The following STAG1 variants were observed in gnomAD, a reference collection of about 807,000 sequenced individuals.
The protein encoded by STAG1 is cohesin subunit SA-1.
Under a neutral mutation model 170.9 loss-of-function variants are expected in STAG1, and 26 were observed. The ratio of observed to expected loss-of-function variants is 0.15; its 90% confidence interval spans 0.11 to 0.21. The LOEUF (loss-of-function observed/expected upper bound fraction) is 0.21, where lower values mean the gene tolerates loss of function less well. Ranked by LOEUF, STAG1 falls within the 10% of genes least tolerant of loss-of-function variation. STAG1 has a pLI of 1.00. For synonymous variants in STAG1, 514 were observed against 497.7 expected, an observed-to-expected ratio of 1.03 and a Z score of -0.44; for missense variants, 964 against 1,509.5, an observed-to-expected ratio of 0.64 and a Z score of 5.99.
chr3:136,364,368 C>A (rs1936993821), intron 25 of STAG1, among the ~76,000 whole-genome samples: 1 of 152,212 alleles, frequency 6.6e-6, no homozygotes, highest in Admixed American at 6.5e-5. Context: ...CAGGCGTGAG[C>A]CACTGTGCCT....
At chr3:136,559,070 G>C (rs1299221500) in intron 5 of STAG1, among the ~76,000 whole-genome samples, 1 of 152,032 alleles carries the variant, frequency 6.6e-6, no homozygotes, top group Non-Finnish European at 1.5e-5. Context: ...TCAGTCTTTT[G>C]TATATATAAG....
intron 10 of STAG1, among the ~76,000 whole-genome samples, chr3:136,475,267 C>T (rs1205506509): frequency 6.6e-6 from 1 of 151,314 alleles, no homozygotes; most frequent in East Asian, 1.9e-4. Flanking sequence ...TTGTCTCAGC[C>T]TCCCGAGTAG....
chr3:136,500,963 A>G (rs1933433762), intron 8 of STAG1, among the ~76,000 whole-genome samples: 1 of 152,186 alleles, frequency 6.6e-6, no homozygotes, highest in Admixed American at 6.5e-5. Context: ...CTACTATTCT[A>G]ATTTATTCTG....
In STAG1 at chr3:136,419,341, T is replaced by C. The variant is rs558148868; in HGVS notation, c.2109-1369A>G. On this transcript the variant is annotated intron_variant, in intron 20 of 33. Transcript: ENST00000383202. ...GTGCAAAAGCTATATTCAAACTCTCTTTGGACAACAAAGTTCTTTTTGTCC... is the reference window on the plus strand; with the variant it reads ...GTGCAAAAGCTATATTCAAACTCTCCTTGGACAACAAAGTTCTTTTTGTCC... Among the ~76,000 whole-genome samples the C allele has an allele frequency of 5.3e-5, 8 of 152,338 alleles. No homozygotes were observed. The South Asian group carries it at 6.2e-4, about 12-fold the overall frequency.
At chr3:136,749,921 G>A (rs370505912) in intron 1 of STAG1, among the ~76,000 whole-genome samples, 5 of 107,336 alleles carry the variant, frequency 4.7e-5, no homozygotes, top group South Asian at 3.5e-4. Flanking sequence ...AAAAAAAAAA[G>A]AAAGAAACTA....
At chr3:136,615,244 T>C (rs1388845418) in intron 3 of STAG1, among the ~76,000 whole-genome samples, 1 of 151,482 alleles carries the variant, frequency 6.6e-6, no homozygotes, top group East Asian at 1.9e-4. Flanking sequence ...AAGCCATACA[T>C]GAAAAAACAA....
rs550872859 is a variant in STAG1, at chr3:136,541,958, A to G, written c.471+161T>C. Among the ~76,000 whole-genome samples, 6 of 152,302 alleles carry G rather than the reference A, an allele frequency of 3.9e-5. No homozygotes were observed. The East Asian group carries it at 1.2e-3, about 29-fold the overall frequency. On this transcript the variant is annotated intron_variant, in intron 6 of 33. Coordinates refer to ENST00000383202, the MANE Select transcript of STAG1 (RefSeq NM_005862.3). Reference sequence around the variant, plus strand: ...ACACAACATAATCAAATCTCCAAAGATCATTAATTTTGGAATTAGTACCAC... The same window carrying G: ...ACACAACATAATCAAATCTCCAAAGGTCATTAATTTTGGAATTAGTACCAC...
At chr3:136,649,511 A>G (rs1941143971) in intron 1 of STAG1, among the ~76,000 whole-genome samples, 1 of 151,222 alleles carries the variant, frequency 6.6e-6, no homozygotes, top group Non-Finnish European at 1.5e-5. Context: ...AACAAAAAAA[A>G]AAAAAAAAAA....
intron 1 of STAG1, among the ~76,000 whole-genome samples, chr3:136,690,139 T>G (rs950876185): frequency 2.0e-5 from 3 of 151,750 alleles, no homozygotes; most frequent in African/African-American, 4.8e-5. Context: ...CCAGGAATTC[T>G]TTTAATAGTC....
At chr3:136,376,016 C>CAAAATA (rs376167779) in intron 23 of STAG1, among the ~76,000 whole-genome samples, 2 of 115,546 alleles carry the variant, frequency 1.7e-5, no homozygotes, top group East Asian at 7.0e-4. Flanking sequence ...AAATAATTAA[C>CAAAATA]AAAATAAAAT....
intron 26 of STAG1, among the ~76,000 whole-genome samples, chr3:136,361,971 T>C (rs927222964): frequency 6.6e-6 from 1 of 152,006 alleles, no homozygotes; most frequent in Non-Finnish European, 1.5e-5. Context: ...TTTCTTTTTT[T>C]TGAGACAGAG....
chr3:136,696,543 A>C (rs1942896826), intron 1 of STAG1, among the ~76,000 whole-genome samples: 1 of 151,972 alleles, frequency 6.6e-6, no homozygotes, highest in Non-Finnish European at 1.5e-5. Context: ...TTTGAGTGAT[A>C]ATGAGTCAGT....
At chr3:136,343,755 A>C (rs997154602) in intron 30 of STAG1, 77 bp downstream of exon 30, 6 of 1,240,364 alleles carry the variant, frequency 4.8e-6, no homozygotes, top group African/African-American at 1.5e-5. Context: ...TGTTCTGATG[A>C]ACAAATAAAG....
At chr3:136,412,871 T>A (rs2107713806) in intron 21 of STAG1, among the ~76,000 whole-genome samples, 1 of 151,694 alleles carries the variant, frequency 6.6e-6, no homozygotes, top group East Asian at 1.9e-4. Context: ...TTTTCTTTTT[T>A]TTTTTTTTGA....
At chr3:136,505,606 A>G (rs946141851) in intron 7 of STAG1, among the ~76,000 whole-genome samples, 5 of 152,256 alleles carry the variant, frequency 3.3e-5, no homozygotes, top group African/African-American at 7.2e-5. Flanking sequence ...AGTCCTGTCC[A>G]TTCATCTAAC....
intron 1 of STAG1, among the ~76,000 whole-genome samples, chr3:136,724,685 G>A (rs1395479721): frequency 6.6e-6 from 1 of 151,900 alleles, no homozygotes; most frequent in East Asian, 1.9e-4. Context: ...GCTGTGCTCA[G>A]TAGCTCAGAG....
At chr3:136,713,490 G>T (rs1416733605) in intron 1 of STAG1, among the ~76,000 whole-genome samples, 4 of 151,516 alleles carry the variant, frequency 2.6e-5, no homozygotes, top group Non-Finnish European at 5.9e-5. Flanking sequence ...GGCTGAGGCA[G>T]AAGAATCGCT....
rs146797495 is a variant in STAG1, at chr3:136,344,347, A to G, written c.3272-341T>C. Among the ~76,000 whole-genome samples, 202 of 152,278 alleles carry G rather than the reference A, an allele frequency of 1.3e-3. 1 individual carries two copies. The highest frequency in any genetic ancestry group is 4.7e-3 in the African/African-American group (197 of 41,564). On this transcript the variant is annotated intron_variant, in intron 29 of 33. Coordinates refer to ENST00000383202, the MANE Select transcript of STAG1 (RefSeq NM_005862.3). ...ATCCTAGAAGGGGAAGATTGCAGCC[A>G]GCCAGAGACCTCTCCTCTTTTCTTT...
chr3:136,392,179 A>G (rs1278957731), intron 22 of STAG1, among the ~76,000 whole-genome samples: 1 of 152,180 alleles, frequency 6.6e-6, no homozygotes, highest in African/African-American at 2.4e-5. Flanking sequence ...ATTTCTAAGA[A>G]TATAATACAA....
Sources: allele counts gnomAD v4.1 joint callset (sites outside exome capture counted in the v4.1 genomes callset), GRCh38; gene constraint gnomAD v4.1.1; transcripts MANE v1.5; gene names NCBI Gene and HGNC (gene_info 2026-07-23, HGNC 2026-07-21).